The following SUGT1 variants were observed in gnomAD, a reference collection of about 807,000 sequenced individuals.
SUGT1 encodes the protein protein SGT1 homolog.
A neutral mutation model predicts 56.1 loss-of-function variants in SUGT1; 15 were observed. The observed-to-expected ratio is 0.27, with a 90% CI of 0.18 to 0.41. SUGT1 has a LOEUF of 0.41. SUGT1 is among the 10% of genes least tolerant of loss of function. SUGT1 has a pLI of 1.00. For missense variants in SUGT1, 347 were observed against 382.2 expected, an observed-to-expected ratio of 0.91 and a Z score of 0.77; for synonymous variants, 123 against 128.6, an observed-to-expected ratio of 0.96 and a Z score of 0.30.
chr13:52,670,574 A>T (rs1446002716), intron 10 of SUGT1, among the ~76,000 whole-genome samples: 2 of 152,194 alleles, frequency 1.3e-5, no homozygotes, highest in African/African-American at 2.4e-5. Flanking sequence ...TGGTAGGCCA[A>T]GGCGGTCGGA....
chr13:52,676,885 A>G (rs1963165979), intron 11 of SUGT1, among the ~76,000 whole-genome samples: 1 of 152,200 alleles, frequency 6.6e-6, no homozygotes, highest in Non-Finnish European at 1.5e-5. Flanking sequence ...CCTGTAAGAA[A>G]CAGAACTTTG....
chr13:52,669,165 T>G (rs919487465), intron 10 of SUGT1, among the ~76,000 whole-genome samples: 2 of 152,226 alleles, frequency 1.3e-5, no homozygotes, highest in Non-Finnish European at 2.9e-5. Context: ...TATGTATACA[T>G]TTCATGTCCC....
At position 52,657,868 on chromosome 13, in the gene SUGT1, G is replaced by A. The variant is rs564100857; in HGVS notation, c.187+246G>A. On this transcript the variant is annotated intron_variant, in intron 3 of 12. Transcript: ENST00000310528. ...TTATTGGGTATGCTGATAAAAAATA[G>A]CATCACATTTACTATTTGACAGACT... Among the ~76,000 whole-genome samples, 356 of 152,246 alleles carry A rather than the reference G, an allele frequency of 2.3e-3. 2 individuals carry two copies. Among genetic ancestry groups the A allele is most frequent in the Middle Eastern group, 3.4e-3 (1 of 294 alleles).
At chr13:52,655,258 A>T (rs1962107596) in intron 2 of SUGT1, among the ~76,000 whole-genome samples, 1 of 152,122 alleles carries the variant, frequency 6.6e-6, no homozygotes, top group Non-Finnish European at 1.5e-5. Flanking sequence ...CAGGAGAATC[A>T]CTTGAACCCT....
At position 52,692,961 on chromosome 13, in the gene SUGT1, A is replaced by C. The variant is rs567702417; in HGVS notation, c.*5126A>C. On this transcript the variant is annotated 3_prime_UTR_variant, in exon 13 of 13. Coordinates refer to ENST00000310528, the MANE Select transcript of SUGT1 (RefSeq NM_006704.5). The stretch of plus-strand genomic sequence containing the variant: ...CCAATGAAATTCTTTTTTTCCTTTA[A>C]CTTGGGAGCTCTCATACCAGTTCCG... 6.6e-6 allele frequency: 1 copy of C among 152,110 alleles called. No individual in the cohort carries two copies. Among genetic ancestry groups the C allele is most frequent in the African/African-American group, 2.4e-5 (1 of 41,410 alleles). 9.4% of individuals were successfully genotyped at this position (152,110 alleles called of 1,614,324 possible). A position where few individuals can be genotyped will look rare whatever the true frequency, so the allele number is the denominator to read the frequency against.
Position 52,687,840 on chromosome 13 carries a change from A to G in SUGT1, c.*5A>G, listed in dbSNP as rs760495624. The G allele has an allele frequency of 5.1e-6, 8 of 1,577,766 alleles. No homozygotes were observed. The stretch of plus-strand genomic sequence containing the variant: ...ATGGAATGGAAAAAGTACTAAATAA[A>G]TTAATTTGCTCTCATCGTATTGTGT... On this transcript the variant is annotated 3_prime_UTR_variant, in exon 13 of 13. Transcript: ENST00000310528.
At chr13:52,666,119 G>C (rs1196829740) in intron 9 of SUGT1, among the ~76,000 whole-genome samples, 1 of 152,104 alleles carries the variant, frequency 6.6e-6, no homozygotes, top group African/African-American at 2.4e-5. Flanking sequence ...ACAGAGTCTC[G>C]CTCTTGCGTA....
At chr13:52,686,520 A>G (rs2138180241) in intron 12 of SUGT1, among the ~76,000 whole-genome samples, 1 of 152,300 alleles carries the variant, frequency 6.6e-6, no homozygotes, top group Admixed American at 6.5e-5. Context: ...AGAAAGCCAC[A>G]TAGAGGTGGT....
chr13:52,663,031 A>C (rs112621224), intron 6 of SUGT1, 65 bp from the exon 7 acceptor site: 1 of 1,550,358 alleles, frequency 6.5e-7, no homozygotes. Flanking sequence ...TATAGAAATC[A>C]TACAAATAAC....
rs149855425 is a variant in SUGT1, at chr13:52,653,595, A to C, written c.96+492A>C. On this transcript the variant is annotated intron_variant, in intron 2 of 12. Transcript: ENST00000310528. ...TATTCACTCATTTGTATATTCATCA[A>C]AATTTTTTTTTGGAGTGGCTGTGTG... is the stretch of plus-strand genomic sequence containing the variant. Among the ~76,000 whole-genome samples, 57 of 152,282 alleles carry C rather than the reference A, an allele frequency of 3.7e-4. No homozygotes were observed. In the East Asian group the frequency reaches 8.9e-3, roughly 24 times the overall value.
At chr13:52,675,800 G>T (rs367826432) in intron 10 of SUGT1, among the ~76,000 whole-genome samples, 5 of 152,226 alleles carry the variant, frequency 3.3e-5, no homozygotes, top group African/African-American at 1.2e-4. Context: ...TTGACATTTT[G>T]GGGAATTGCC....
chr13:52,664,183 G>T (rs575041207), intron 8 of SUGT1, 126 bp downstream of exon 8: 9 of 972,108 alleles, frequency 9.3e-6, no homozygotes, highest in Admixed American at 7.9e-5. Flanking sequence ...TTCTAAAATT[G>T]TGTAATAGCT....
At chr13:52,674,280 G>C (rs1009877768) in intron 10 of SUGT1, among the ~76,000 whole-genome samples, 1 of 151,982 alleles carries the variant, frequency 6.6e-6, no homozygotes, top group African/African-American at 2.4e-5. Context: ...TTGAACTCCT[G>C]ACCTCAGGTG....
chr13:52,665,527 T>C (rs1962660547), intron 8 of SUGT1, 110 bp from the exon 9 acceptor site: 17 of 724,180 alleles, frequency 2.3e-5, no homozygotes, highest in African/African-American at 7.4e-5. Flanking sequence ...TGCTTTGCTG[T>C]TTTCTTCCTC....
chr13:52,699,143 C>T lies in SUGT1; in HGVS notation c.*11308C>T, dbSNP rs1440130409. 2 of 152,158 alleles carry T rather than the reference C, an allele frequency of 1.3e-5. No individual in the cohort carries two copies. Among genetic ancestry groups the T allele is most frequent in the African/African-American group, 2.4e-5 (1 of 41,448 alleles). The allele number at this position is 152,158 out of a possible 1,614,324, so 9.4% of individuals were successfully genotyped here. ...TTTGAAGGTTTTGTTTCCCTCTTAACACAGAAATTAAAAGGTAGAGGAGAG... is the reference window on the plus strand; with the variant it reads ...TTTGAAGGTTTTGTTTCCCTCTTAATACAGAAATTAAAAGGTAGAGGAGAG... On this transcript the variant is annotated 3_prime_UTR_variant, in exon 13 of 13. Coordinates refer to ENST00000310528, the MANE Select transcript of SUGT1 (RefSeq NM_006704.5).
intron 10 of SUGT1, among the ~76,000 whole-genome samples, chr13:52,672,645 A>T (rs370733514): frequency 7.9e-5 from 12 of 152,210 alleles, no homozygotes; most frequent in African/African-American, 2.9e-4. Context: ...TAATGAGTAC[A>T]GTCTTGAAGT....
chr13:52,668,078 G>C (rs1962790097), intron 10 of SUGT1, among the ~76,000 whole-genome samples: 1 of 151,880 alleles, frequency 6.6e-6, no homozygotes, highest in Admixed American at 6.6e-5. Flanking sequence ...CTTGAATCAG[G>C]TTCAAGTGAT....
At chr13:52,683,919 C>T (rs1360433633) in intron 12 of SUGT1, among the ~76,000 whole-genome samples, 5 of 152,178 alleles carry the variant, frequency 3.3e-5, no homozygotes, top group East Asian at 3.9e-4. Context: ...ATTTTTCTAT[C>T]GCCCAGGCTA....
intron 10 of SUGT1, 99 bp downstream of exon 10, chr13:52,667,018 C>A: frequency 1.2e-6 from 1 of 800,796 alleles, no homozygotes; most frequent in Non-Finnish European, 2.0e-6. Context: ...TAGATTCTTT[C>A]AGCCCTTTAA....
Sources: allele counts gnomAD v4.1 joint callset (sites outside exome capture counted in the v4.1 genomes callset), GRCh38; gene constraint gnomAD v4.1.1; transcripts MANE v1.5; gene names NCBI Gene and HGNC (gene_info 2026-07-23, HGNC 2026-07-21).